Variants in PARP9 observed in about 807,000 individuals in gnomAD.
The protein encoded by PARP9 is protein mono-ADP-ribosyltransferase PARP9.
PARP9 carries 48 observed loss-of-function variants against 68.8 expected under a neutral mutation model. The ratio of observed to expected loss-of-function variants is 0.70; its 90% CI spans 0.55 to 0.89. PARP9 has a LOEUF of 0.89. PARP9 is among the 40% of genes least tolerant of loss of function. PARP9 has a pLI of 0.00. For missense variants in PARP9, 806 were observed against 969.3 expected (o/e 0.83, Z 2.24); for synonymous variants, 309 against 333.8 (o/e 0.93, Z 0.81).
Position 122,550,756 on chromosome 3 carries a change from T to G in PARP9, c.1154A>C (p.Gln385Pro), listed in dbSNP as rs911942376. 1 of 1,614,172 alleles carries G rather than the reference T, an allele frequency of 6.2e-7. No homozygotes were observed. The highest frequency in any genetic ancestry group is 1.7e-5 in the Admixed American group (1 of 60,028). ...AGGAAAGGAAATGGAAGTTATATTT[T>G]GCTCAATGCATTTTTCCAAACACTC... ...MKECLEKCIE[Q>P]NITSISFPAL... Residue 385 changes from glutamine to proline, a missense_variant, in exon 6 of 11, where the codon CAA (glutamine) becomes CCA (proline). By Grantham distance (76) the Gln-to-Pro change is moderately conservative. Coordinates refer to ENST00000682323, the MANE Select transcript of PARP9 (RefSeq NM_001146105.2).
intron 5 of PARP9, 108 bp from the exon 6 acceptor site, chr3:122,550,910 G>A (rs1167156213): frequency 2.0e-6 from 2 of 992,470 alleles, no homozygotes; most frequent in South Asian, 1.6e-5. Context: ...CCTCCCTCAG[G>A]GTTCGTGTCC....
chr3:122,541,105 T>G (rs1369274173), intron 7 of PARP9, among the ~76,000 whole-genome samples: 1 of 152,150 alleles, frequency 6.6e-6, no homozygotes, highest in Non-Finnish European at 1.5e-5. Flanking sequence ...TTAGCCGGGA[T>G]GGTCTCAATC....
Position 122,528,211 on chromosome 3 carries a change from A to T in PARP9, c.*153T>A. ...CATAAAGACAGATAAAGGCACTAAG[A>T]TGCTAGTATGTGGCTAGTCCTTTCA... On this transcript the variant is annotated 3_prime_UTR_variant, in exon 11 of 11. Coordinates refer to ENST00000682323, the MANE Select transcript of PARP9 (RefSeq NM_001146105.2). The T allele has an allele frequency of 2.1e-6, 2 of 955,690 alleles. No homozygotes were observed. Among genetic ancestry groups the T allele is most frequent in the Non-Finnish European group, 1.5e-6 (1 of 646,766 alleles). 59.2% of individuals were successfully genotyped at this position (955,690 alleles called of 1,614,324 possible).
rs754940302 is a variant in PARP9, at chr3:122,528,746, G to A, written c.2081-3C>T. 3.8e-6 allele frequency: 6 copies of A among 1,561,388 alleles called. No individual in the cohort carries two copies. Among genetic ancestry groups the A allele is most frequent in the Middle Eastern group, 1.7e-4 (1 of 5,796 alleles). On this transcript the variant is annotated splice_polypyrimidine_tract_variant and splice_region_variant and intron_variant, in intron 10 of 10. Transcript: ENST00000682323. ...TATGCCAGCTCCGTATTTTGGATCT[G>A]ATAAAGGAAAAAATAAAATAAAAAG...
chr3:122,553,789 T>C (rs942821898), intron 4 of PARP9, among the ~76,000 whole-genome samples: 1 of 152,226 alleles, frequency 6.6e-6, no homozygotes, highest in African/African-American at 2.4e-5. Flanking sequence ...ATATTCATTC[T>C]CACCCTCTGT....
intron 5 of PARP9, 56 bp from the exon 6 acceptor site, chr3:122,550,858 T>A: frequency 6.9e-7 from 1 of 1,449,394 alleles, no homozygotes; most frequent in Non-Finnish European, 9.6e-7. Context: ...AGACTCCACT[T>A]ACCCCTTGAT....
Position 122,537,030 on chromosome 3 carries a change from T to A in PARP9, c.1809A>T (p.Lys603Asn), listed in dbSNP as rs1277436433. 3 of 1,613,806 alleles carry A rather than the reference T, an allele frequency of 1.9e-6. No homozygotes were observed. The East Asian group carries it at 6.7e-5, about 36-fold the overall frequency. The change falls in exon 9 of 11, where the codon AAA (lysine) becomes AAT (asparagine). Residue 603 changes from lysine (K) to asparagine (N), a missense_variant. Coordinates refer to ENST00000682323, the MANE Select transcript of PARP9 (RefSeq NM_001146105.2). ...GACATTTCAGAAATATGATATTTTCTTTCATTTCGTCTTGGGTTTTTTGTT... is the reference window on the plus strand; with the variant it reads ...GACATTTCAGAAATATGATATTTTCATTCATTTCGTCTTGGGTTTTTTGTT... ...IQQQKTQDEM[K>N]ENIIFLKCPV...
chr3:122,547,047 CACATATATATACACAT>C (rs2078785624), intron 6 of PARP9, among the ~76,000 whole-genome samples: 2 of 140,246 alleles, frequency 1.4e-5, no homozygotes, highest in Non-Finnish European at 1.5e-5. Context: ...TATACATACA[CACATATATATACACAT>C]ACATATATAC....
chr3:122,537,838 T>C (rs2107587933), intron 8 of PARP9, among the ~76,000 whole-genome samples: 1 of 152,022 alleles, frequency 6.6e-6, no homozygotes, highest in East Asian at 1.9e-4. Context: ...CTTCCTTCCT[T>C]CCTCCTTCCT....
chr3:122,558,651 G>T (rs187797436), intron 2 of PARP9, among the ~76,000 whole-genome samples, 184 bp from the exon 3 acceptor site: 145 of 152,242 alleles, frequency 9.5e-4, no homozygotes, highest in African/African-American at 3.3e-3. Flanking sequence ...TACTAAATGT[G>T]CCAGCAAACA....
At chr3:122,557,584 A>G (rs2079809023) in intron 3 of PARP9, among the ~76,000 whole-genome samples, 1 of 152,204 alleles carries the variant, frequency 6.6e-6, no homozygotes, top group African/African-American at 2.4e-5. Flanking sequence ...CTCCATCAGT[A>G]GCTGAGCAAG....
chr3:122,536,809 G>T, intron 9 of PARP9, 125 bp downstream of exon 9: 1 of 1,164,680 alleles, frequency 8.6e-7, no homozygotes, highest in Non-Finnish European at 1.2e-6. Flanking sequence ...CAGTCTTACT[G>T]ACCTAGGATT....
intron 9 of PARP9, chr3:122,536,656 T>C: frequency 1.9e-6 from 1 of 535,656 alleles, no homozygotes. Context: ...TAACACAGTG[T>C]GATAAATGCT....
chr3:122,564,626 C>T (rs567120933), upstream of PARP9: 15 of 1,576,560 alleles, frequency 9.5e-6, no homozygotes, highest in East Asian at 3.3e-4. Flanking sequence ...GAGCTTCGGG[C>T]GGCCAGGCTG....
At chr3:122,556,598 C>T (rs1365308780) in intron 3 of PARP9, among the ~76,000 whole-genome samples, 1 of 152,072 alleles carries the variant, frequency 6.6e-6, no homozygotes, top group Non-Finnish European at 1.5e-5. Context: ...AGAGTAGACC[C>T]TGAGACAAAG....
Position 122,528,178 on chromosome 3 carries a change from C to T in PARP9, c.*186G>A, listed in dbSNP as rs1482254534. 3 of 666,892 alleles carry T rather than the reference C, an allele frequency of 4.5e-6. No homozygotes were observed. Among genetic ancestry groups the T allele is most frequent in the African/African-American group, 3.6e-5 (2 of 54,980 alleles). 41.3% of individuals were successfully genotyped at this position (666,892 alleles called of 1,614,324 possible). A position where few individuals can be genotyped will look rare whatever the true frequency, so the allele number is the denominator to read the frequency against. ...TTCATTTGGTATCTACCTACCCCAA[C>T]CCCAAGACATAAAGACAGATAAAGG... is the stretch of plus-strand genomic sequence containing the variant. On this transcript the variant is annotated 3_prime_UTR_variant, in exon 11 of 11. Coordinates refer to ENST00000682323, the MANE Select transcript of PARP9 (RefSeq NM_001146105.2).
Position 122,555,721 on chromosome 3 carries a change from T to G in PARP9, c.450A>C (p.Ala150=). ...TGATCTGTTTGCAGGGAAGCCTCCC[T>G]GCTCCCGTGACAGCTATCTCACCAG... ...VSAGEIAVTG[A]GRLPCKQIIH... is the part of the protein sequence containing the mutation. Residue 150 remains alanine (A), a synonymous_variant, in exon 4 of 11, where the codon GCA becomes GCC. Coordinates refer to ENST00000682323, the MANE Select transcript of PARP9 (RefSeq NM_001146105.2). 6.2e-7 allele frequency: 1 copy of G among 1,614,122 alleles called. No individual in the cohort carries two copies.
Position 122,528,650 on chromosome 3 carries a change from T to TGC in PARP9, c.2173_2174insGC (p.Tyr725CysfsTer19). Reference sequence around the variant, plus strand: ...TGTGAGTACTTCAGCCTCAAACACATAGATCAGCTTATCTGCAGCAGAGAT... The same window carrying TGC: ...TGTGAGTACTTCAGCCTCAAACACATGCAGATCAGCTTATCTGCAGCAGAGAT... On this transcript the variant is annotated frameshift_variant, in exon 11 of 11. Coordinates refer to ENST00000682323, the MANE Select transcript of PARP9 (RefSeq NM_001146105.2). LOFTEE classifies it low-confidence loss of function (END_TRUNC). 6.2e-7 allele frequency: 1 copy of TGC among 1,614,164 alleles called. No individual in the cohort carries two copies.
chr3:122,555,833 C>T lies in PARP9; in HGVS notation c.338G>A (p.Gly113Asp). ...AGCTTTTACCAGGGCCAGGGCCAGG[C>T]CTCCCCCATGCAGAAGATCTTCATT... Reference protein sequence around the residue: ...AANEDLLHGGGLALALVKAGG... With the variant: ...AANEDLLHGGDLALALVKAGG... The change falls in exon 4 of 11, where the codon GGC (glycine) becomes GAC (aspartate). Residue 113 changes from glycine to aspartate, a missense_variant. By Grantham distance (94) the Gly-to-Asp change is moderately conservative (BLOSUM62 -1). Transcript: ENST00000682323. 1 of 1,613,992 alleles carries T rather than the reference C, an allele frequency of 6.2e-7. No homozygotes were observed. Among genetic ancestry groups the T allele is most frequent in the Non-Finnish European group, 8.5e-7 (1 of 1,180,016 alleles).
Sources: gnomAD v4.1 joint callset for allele counts (sites outside exome capture counted in the v4.1 genomes callset) on GRCh38, gnomAD v4.1.1 for gene constraint, MANE v1.5 for transcripts, NCBI Gene and HGNC (gene_info 2026-07-23, HGNC 2026-07-21) for gene names.